Variants in CELSR1 observed in about 807,000 individuals in gnomAD.
CELSR1 encodes the protein adhesion G protein-coupled receptor C1.
In CELSR1, 110 loss-of-function variants were observed where a neutral mutation model predicts 249.1. The ratio of observed to expected loss-of-function variants is 0.44; its 90% CI spans 0.38 to 0.52. CELSR1 has a LOEUF of 0.52. Ranked by LOEUF, CELSR1 falls within the 20% of genes least tolerant of loss-of-function variation. The probability of loss-of-function intolerance (pLI) is 0.00; values close to 1 mark genes in which losing one functional copy is unlikely to be tolerated. For synonymous variants in CELSR1, 2,113 were observed against 1,900.0 expected (o/e 1.11, Z -2.92); for missense variants, 4,109 against 4,296.4 (o/e 0.96, Z 1.22).
At position 46,413,483 on chromosome 22, in the gene CELSR1, A is replaced by T. The variant is rs1261867616; in HGVS notation, c.4612-1724T>A. Among the ~76,000 whole-genome samples the T allele has an allele frequency of 6.6e-6, 1 of 152,226 alleles. No individual in the cohort carries two copies. Among genetic ancestry groups the T allele is most frequent in the East Asian group, 1.9e-4 (1 of 5,196 alleles). On this transcript the variant is annotated intron_variant, in intron 5 of 34. Coordinates refer to ENST00000674500, the MANE Select transcript of CELSR1 (RefSeq NM_001378328.1). This position sits in a 1 kb window ranked among gnomAD's most constrained non-coding sequence, Gnocchi z 4.7. ...ACTGTACCTCAATTTCTTTTTGTGCAAGATAACGATTTACTATTAGAACAC... is the reference window on the plus strand; with the variant it reads ...ACTGTACCTCAATTTCTTTTTGTGCTAGATAACGATTTACTATTAGAACAC...
intron 5 of CELSR1, among the ~76,000 whole-genome samples, chr22:46,426,431 G>T (rs1305837929): frequency 2.0e-5 from 3 of 152,214 alleles, no homozygotes; most frequent in African/African-American, 7.2e-5. Flanking sequence ...GTCTGGCAAG[G>T]GTTCGCCACC....
At chr22:46,388,893 C>T (rs960108265) in intron 18 of CELSR1, among the ~76,000 whole-genome samples, 1 of 152,194 alleles carries the variant, frequency 6.6e-6, no homozygotes, top group African/African-American at 2.4e-5. Context: ...ACAAGCTGTG[C>T]CTTTGGGCAA....
In CELSR1 at chr22:46,468,020, G is replaced by T. The variant is rs920255955; in HGVS notation, c.3545-3675C>A. On this transcript the variant is annotated intron_variant, in intron 1 of 34. Coordinates refer to ENST00000674500, the MANE Select transcript of CELSR1 (RefSeq NM_001378328.1). The surrounding 1 kb of genome is among the most constrained non-coding windows in gnomAD (Gnocchi z 4.5). ...AAAAAGATGAGTCAACCACACCTAT[G>T]TTCATAGCAGCGCTATTCACAAGAG... 2.0e-5 allele frequency among the ~76,000 whole-genome samples: 3 copies of T among 152,102 alleles called. No homozygotes were observed.
rs145196848 is a variant in CELSR1 at position 46,386,513 on chromosome 22, C to G, written c.6628G>C (p.Glu2210Gln). 1.9e-6 allele frequency: 3 copies of G among 1,597,490 alleles called. No individual in the cohort carries two copies. Among genetic ancestry groups the G allele is most frequent in the Non-Finnish European group, 2.6e-6 (3 of 1,173,066 alleles). The change falls in exon 19 of 35, where the codon GAG becomes CAG. Residue 2210 changes from glutamate to glutamine, a missense_variant. Physicochemically the swap from Glu to Gln is conservative, Grantham distance 29. Around this residue, in one of 7 missense-constraint regions of CELSR1, gnomAD observed 1,805 missense variants for 1,831.6 expected, o/e 0.99. Coordinates refer to ENST00000674500, the MANE Select transcript of CELSR1 (RefSeq NM_001378328.1). Reference sequence around the variant, plus strand: ...CGGAGCAGCTGTGCCGTGCCGCCCTCGCTCCGCTGGATCTGCTCCCACGCC... The same window carrying G: ...CGGAGCAGCTGTGCCGTGCCGCCCTGGCTCCGCTGGATCTGCTCCCACGCC... ...RAAWEQIQRS[E>Q]GGTAQLLRRL...
intron 1 of CELSR1, among the ~76,000 whole-genome samples, chr22:46,507,652 G>A (rs1236344427): frequency 2.6e-5 from 4 of 152,180 alleles, no homozygotes; most frequent in South Asian, 4.2e-4. Flanking sequence ...TGCCTCGCCC[G>A]CAGTCTGGGC....
At position 46,378,628 on chromosome 22, in the gene CELSR1, G is replaced by A. The variant is rs1031311197; in HGVS notation, c.7346C>T (p.Ala2449Val). The stretch of plus-strand genomic sequence containing the variant: ...GATATCCATGAGCACCGCAAAGCTG[G>A]CTGTGTGGCTGCACTGGCAGGCGAC... ...THVACQCSHT[A>V]SFAVLMDISR... Residue 2449 changes from alanine to valine, a missense_variant, in exon 23 of 35, where the codon GCC becomes GTC. By Grantham distance (64) the Ala-to-Val change is moderately conservative. This residue lies in a region of CELSR1 where 1,805 missense variants were observed against 1,831.6 expected (regional missense o/e 0.99). Transcript: ENST00000674500. 1 of 1,600,218 alleles carries A rather than the reference G, an allele frequency of 6.2e-7. No homozygotes were observed. Among genetic ancestry groups the A allele is most frequent in the Non-Finnish European group, 8.5e-7 (1 of 1,174,424 alleles).
chr22:46,511,432 C>T (rs929581952), intron 1 of CELSR1, among the ~76,000 whole-genome samples: 2 of 152,194 alleles, frequency 1.3e-5, no homozygotes, highest in Non-Finnish European at 2.9e-5. Context: ...GTCAAAGCAT[C>T]GCTCCAAAAC....
At chr22:46,368,878 T>G (rs1280211770) in intron 27 of CELSR1, among the ~76,000 whole-genome samples, 1 of 151,880 alleles carries the variant, frequency 6.6e-6, no homozygotes, top group Non-Finnish European at 1.5e-5. Flanking sequence ...ATCTCCACTC[T>G]GGGGATTCCA....
chr22:46,513,946 A>G (rs1287198545), intron 1 of CELSR1, among the ~76,000 whole-genome samples: 1 of 151,610 alleles, frequency 6.6e-6, no homozygotes, highest in Non-Finnish European at 1.5e-5. Flanking sequence ...AGGTGCACGC[A>G]TCCACACCCA....
intron 1 of CELSR1, among the ~76,000 whole-genome samples, chr22:46,477,734 C>A (rs1435840785): frequency 6.6e-6 from 1 of 152,060 alleles, no homozygotes. Context: ...TCTCGATCTC[C>A]TGACCTCATG....
At chr22:46,443,105 A>G (rs2079773323) in intron 2 of CELSR1, among the ~76,000 whole-genome samples, 1 of 152,022 alleles carries the variant, frequency 6.6e-6, no homozygotes, top group Admixed American at 6.6e-5. Context: ...CTCTTAAGAA[A>G]AAAAAAAAAA....
rs1460154645 is a variant in CELSR1, at chr22:46,468,946, C to T, written c.3545-4601G>A. Among the ~76,000 whole-genome samples the T allele has an allele frequency of 2.0e-5, 3 of 151,998 alleles. No individual in the cohort carries two copies. The highest frequency in any genetic ancestry group is 4.8e-5 in the African/African-American group (2 of 41,374). On this transcript the variant is annotated intron_variant, in intron 1 of 34. Coordinates refer to ENST00000674500, the MANE Select transcript of CELSR1 (RefSeq NM_001378328.1). This position sits in a 1 kb window ranked among gnomAD's most constrained non-coding sequence, Gnocchi z 4.5. ...AAAAAGCTAGTTGGGCGTGGTGGCA[C>T]GTGCCTGTAGTCTCAGCTACTCGGA...
At chr22:46,516,827 C>T (rs1041395713) in intron 1 of CELSR1, among the ~76,000 whole-genome samples, 4 of 152,192 alleles carry the variant, frequency 2.6e-5, no homozygotes, top group Admixed American at 1.3e-4. Context: ...CAGGAAGCTG[C>T]GGGGTGGGGA....
Position 46,412,138 on chromosome 22 carries a change from A to G in CELSR1, c.4612-379T>C, listed in dbSNP as rs977003012. 6.6e-5 allele frequency among the ~76,000 whole-genome samples: 10 copies of G among 152,174 alleles called. No individual in the cohort carries two copies. Among genetic ancestry groups the G allele is most frequent in the Non-Finnish European group, 1.5e-4 (10 of 68,014 alleles). On this transcript the variant is annotated intron_variant, in intron 5 of 34. Coordinates refer to ENST00000674500, the MANE Select transcript of CELSR1 (RefSeq NM_001378328.1). This position sits in a 1 kb window ranked among gnomAD's most constrained non-coding sequence, Gnocchi z 4.5. ...GCGTGACCGCGGAGGCAGCTGCTGG[A>G]GCAGCTGTTTACAAGCCAAGGGCCA...
Position 46,381,221 on chromosome 22 carries a change from G to T in CELSR1, c.7089-266C>A, listed in dbSNP as rs2078974530. Among the ~76,000 whole-genome samples, 1 of 152,202 alleles carries T rather than the reference G, an allele frequency of 6.6e-6. No individual in the cohort carries two copies. Among genetic ancestry groups the T allele is most frequent in the Non-Finnish European group, 1.5e-5 (1 of 68,038 alleles). ...AAGAAAGAGAAGGCACAGGTGCAAAGATGTCACAGCCCATAATAGCTAATG... is the reference window on the plus strand; with the variant it reads ...AAGAAAGAGAAGGCACAGGTGCAAATATGTCACAGCCCATAATAGCTAATG... On this transcript the variant is annotated intron_variant, in intron 21 of 34. Coordinates refer to ENST00000674500, the MANE Select transcript of CELSR1 (RefSeq NM_001378328.1). The surrounding 1 kb of genome is among the most constrained non-coding windows in gnomAD (Gnocchi z 6.0).
chr22:46,416,380 C>T (rs9615995), intron 5 of CELSR1, among the ~76,000 whole-genome samples: 5 of 152,036 alleles, frequency 3.3e-5, no homozygotes, highest in African/African-American at 9.7e-5. Flanking sequence ...CCAGAGGACC[C>T]CCCCCAACCC....
At position 46,518,064 on chromosome 22, in the gene CELSR1, G is replaced by A. The variant is rs183522071; in HGVS notation, c.3544+15563C>T. Among the ~76,000 whole-genome samples the A allele has an allele frequency of 3.1e-3, 473 of 151,636 alleles. 3 individuals carry two copies. The highest frequency in any genetic ancestry group is 4.8e-3 in the Non-Finnish European group (327 of 68,008). ...ATTACAGTCATGTGCCACCACACCCGGGTAATTTTTTTGTGTTTTTAGTAG... is the reference window on the plus strand; with the variant it reads ...ATTACAGTCATGTGCCACCACACCCAGGTAATTTTTTTGTGTTTTTAGTAG... On this transcript the variant is annotated intron_variant, in intron 1 of 34. Transcript: ENST00000674500. The surrounding 1 kb of genome is among the most constrained non-coding windows in gnomAD (Gnocchi z 5.2).
At position 46,363,999 on chromosome 22, in the gene CELSR1, G is replaced by T; in HGVS notation, c.9032C>A (p.Ser3011Tyr). 1 of 1,603,720 alleles carries T rather than the reference G, an allele frequency of 6.2e-7. No homozygotes were observed. Among genetic ancestry groups the T allele is most frequent in the Non-Finnish European group, 8.5e-7 (1 of 1,176,036 alleles). The change falls in exon 34 of 35, where the codon TCT becomes TAT. Residue 3011 changes from serine to tyrosine, a missense_variant. Transcript: ENST00000674500. This position sits in a 1 kb window ranked among gnomAD's most constrained non-coding sequence, Gnocchi z 4.3. ...TGSAQADGSDSEGSNETSI is the reference protein window; with the variant it reads ...TGSAQADGSDYEGSNETSI ...CCTGGAGGCCCAGGCTACTCACTCA[G>T]AGTCGGAGCCATCGGCCTGGGCGCT...
intron 29 of CELSR1, 120 bp from the exon 30 acceptor site, chr22:46,366,600 G>A (rs929460238): frequency 2.5e-6 from 2 of 811,154 alleles, no homozygotes; most frequent in East Asian, 2.7e-5. Context: ...GCCCCTGCCT[G>A]GCACACAGGA....
Sources: allele counts gnomAD v4.1 joint callset (sites outside exome capture counted in the v4.1 genomes callset), GRCh38; gene constraint gnomAD v4.1.1; regional missense constraint gnomAD v4.1.1; non-coding constraint Gnocchi (gnomAD v3.1); transcripts MANE v1.5; gene names NCBI Gene and HGNC (gene_info 2026-07-23, HGNC 2026-07-21).